The following GSE1 variants were observed in gnomAD, a reference collection of about 807,000 sequenced individuals.
GSE1 encodes genetic suppressor element 1.
In GSE1, 32 loss-of-function variants were observed where a neutral mutation model predicts 112.6. That is an observed-to-expected ratio of 0.28 (90% CI 0.21 to 0.38). GSE1 has a LOEUF of 0.38. Ranked by LOEUF, GSE1 falls within the 10% of genes least tolerant of loss-of-function variation. The pLI, the probability that GSE1 is intolerant of heterozygous loss-of-function variation, is 1.00. For synonymous variants in GSE1, 1,115 were observed against 735.6 expected (o/e 1.52, Z -8.35); for missense variants, 2,348 against 1,699.2 (o/e 1.38, Z -6.71).
At chr16:85,472,296 G>A (rs2050319282) in intron 2 of GSE1, among the ~76,000 whole-genome samples, 1 of 152,170 alleles carries the variant, frequency 6.6e-6, no homozygotes, top group Non-Finnish European at 1.5e-5. Context: ...GTGTGCGCAG[G>A]GCTGTGCTCC....
intron 2 of GSE1, among the ~76,000 whole-genome samples, chr16:85,545,148 G>A (rs1364304187): frequency 1.3e-5 from 2 of 152,220 alleles, no homozygotes; most frequent in Non-Finnish European, 1.5e-5. Context: ...GAGGCGTTCC[G>A]AGGACAGGCA....
intron 2 of GSE1, among the ~76,000 whole-genome samples, chr16:85,428,419 C>T (rs1356380826): frequency 2.0e-5 from 3 of 152,244 alleles, no homozygotes; most frequent in East Asian, 3.8e-4. Context: ...GGCCCTGTAA[C>T]GCTGTGTAAG....
rs571037512 is a variant in GSE1, at chr16:85,433,452, C to T, written c.2464+75809C>T. On this transcript the variant is annotated intron_variant, in intron 2 of 2. Transcript: ENST00000637419. ...AGGAGTGCACACCACTGGCCGTGAT[C>T]CCTGGCCACCCCCAGGGACCTCTGC... Among the ~76,000 whole-genome samples the T allele has an allele frequency of 1.8e-3, 269 of 152,278 alleles. 1 individual carries two copies. The highest frequency in any genetic ancestry group is 3.2e-3 in the Admixed American group (49 of 15,306).
intron 1 of GSE1, among the ~76,000 whole-genome samples, chr16:85,317,816 C>T (rs1356077359): frequency 6.6e-6 from 1 of 152,218 alleles, no homozygotes; most frequent in Non-Finnish European, 1.5e-5. Flanking sequence ...GCTCTGAGCT[C>T]AGCTCCTTGC....
intron 12 of GSE1, among the ~76,000 whole-genome samples, chr16:85,665,761 T>C (rs1305194795): frequency 2.0e-5 from 3 of 152,220 alleles, no homozygotes; most frequent in Non-Finnish European, 2.9e-5. Context: ...TTCTTCCTTC[T>C]TGGGACATCT....
chr16:85,385,256 G>A (rs1277035337), intron 2 of GSE1, among the ~76,000 whole-genome samples: 1 of 152,208 alleles, frequency 6.6e-6, no homozygotes, highest in African/African-American at 2.4e-5. Flanking sequence ...GGAGGAGAAG[G>A]GGAGTCACAT....
chr16:85,552,100 A>G (rs2044944215), upstream of GSE1, among the ~76,000 whole-genome samples: 1 of 150,490 alleles, frequency 6.6e-6, no homozygotes, highest in Non-Finnish European at 1.5e-5. Flanking sequence ...ATCTTGGCTC[A>G]CTGCAAGCTC....
intron 1 of GSE1, among the ~76,000 whole-genome samples, chr16:85,586,774 C>T (rs2046717853): frequency 6.6e-6 from 1 of 152,192 alleles, no homozygotes; most frequent in South Asian, 2.1e-4. Context: ...TGCAGGAAAC[C>T]CCGGAGCCGG....
At chr16:85,310,045 G>A (rs532357557) in intron 1 of GSE1, among the ~76,000 whole-genome samples, 264 of 152,352 alleles carry the variant, frequency 1.7e-3, no homozygotes, top group Non-Finnish European at 2.6e-3. Flanking sequence ...CAGTCGGCCC[G>A]AGCCCAGGCA....
At chr16:85,608,747 G>A (rs185726312), upstream of GSE1, among the ~76,000 whole-genome samples, 6 of 152,234 alleles carry the variant, frequency 3.9e-5, no homozygotes, top group Non-Finnish European at 5.9e-5. Flanking sequence ...AGTGACATGC[G>A]CTGAGCAGCG....
At position 85,661,392 on chromosome 16, in the gene GSE1, C is replaced by T. The variant is rs746308315; in HGVS notation, c.1887C>T (p.Phe629=). The change falls in exon 9 of 16, where the codon TTC becomes TTT. Residue 629 remains phenylalanine (F), a synonymous_variant. Coordinates refer to ENST00000253458, the MANE Select transcript of GSE1 (RefSeq NM_014615.5). ...CGCTGGTGAAGGTGGAGCGGGTCTT[C>T]TGCCCGGAGAAAGCAGAGGAGGGGC... ...AVPLVKVERV[F]CPEKAEEGPR... The T allele has an allele frequency of 7.4e-6, 12 of 1,612,352 alleles. No individual in the cohort carries two copies. In the Admixed American group the frequency reaches 1.2e-4, roughly 16 times the overall value.
chr16:85,661,512 C>T lies in GSE1; in HGVS notation c.2007C>T (p.Pro669=), dbSNP rs775473962. The part of the protein sequence containing the change: ...GGSLEHQPFL[P]GPGPFLAELE... Reference sequence around the variant, plus strand: ...GCCTGGAGCACCAGCCCTTCCTGCCCGGGCCCGGGCCCTTCCTGGCTGAGC... The same window carrying T: ...GCCTGGAGCACCAGCCCTTCCTGCCTGGGCCCGGGCCCTTCCTGGCTGAGC... Residue 669 remains proline, a synonymous_variant, in exon 9 of 16, where the codon CCC becomes CCT. Transcript: ENST00000253458. 60 of 1,611,840 alleles carry T rather than the reference C, an allele frequency of 3.7e-5. No individual in the cohort carries two copies. In the Middle Eastern group the frequency reaches 8.3e-4, roughly 22 times the overall value.
Position 85,663,604 on chromosome 16 carries a change from G to A in GSE1, c.2634G>A (p.Glu878=), listed in dbSNP as rs567600178. 4 of 1,612,310 alleles carry A rather than the reference G, an allele frequency of 2.5e-6. No individual in the cohort carries two copies. The South Asian group carries it at 3.3e-5, about 13-fold the overall frequency. ...TIFNLTHISA[E]KRKDKERLVE... is the part of the protein sequence containing the mutation. ...TCAACCTGACCCACATCAGCGCTGA[G>A]AAGAGGAAAGGTAGGGCCTCGCCTG... The change falls in exon 11 of 16, where the codon GAG becomes GAA. Residue 878 remains glutamate, a synonymous_variant. Transcript: ENST00000253458.
At chr16:85,555,119 C>A (rs533876388), upstream of GSE1, 5 of 985,176 alleles carry the variant, frequency 5.1e-6, no homozygotes, top group Non-Finnish European at 6.0e-6. Flanking sequence ...CCGCCGCCGC[C>A]GCCTTCAGCC....
chr16:85,201,925 G>A (rs1339251813), intron 1 of GSE1, among the ~76,000 whole-genome samples: 1 of 152,228 alleles, frequency 6.6e-6, no homozygotes, highest in South Asian at 2.1e-4. Context: ...GGGCTTTTCA[G>A]TGCAACCCGT....
At chr16:85,658,135 C>T (rs1389198922) in intron 8 of GSE1, among the ~76,000 whole-genome samples, 1 of 152,214 alleles carries the variant, frequency 6.6e-6, no homozygotes, top group African/African-American at 2.4e-5. Flanking sequence ...CCTTGGACCC[C>T]GGCTGCAGAC....
At chr16:85,494,291 C>T (rs2051101654) in intron 2 of GSE1, among the ~76,000 whole-genome samples, 1 of 152,182 alleles carries the variant, frequency 6.6e-6, no homozygotes, top group Non-Finnish European at 1.5e-5. Flanking sequence ...TCCTGGTGAC[C>T]TTTGGCTTGT....
At chr16:85,649,105 G>C (rs2051122362) in intron 3 of GSE1, among the ~76,000 whole-genome samples, 1 of 152,124 alleles carries the variant, frequency 6.6e-6, no homozygotes. Context: ...TTCTCCCTGG[G>C]TCGTCTGTGG....
chr16:85,411,565 C>A (rs1399740153), intron 2 of GSE1, among the ~76,000 whole-genome samples: 24 of 39,532 alleles, frequency 6.1e-4, no homozygotes, highest in African/African-American at 2.2e-3. Flanking sequence ...CTCACTGTTA[C>A]ACTCAGGGCC....
Sources: gnomAD v4.1 joint callset for allele counts (sites outside exome capture counted in the v4.1 genomes callset) on GRCh38, gnomAD v4.1.1 for gene constraint, MANE v1.5 for transcripts, NCBI Gene and HGNC (gene_info 2026-07-23, HGNC 2026-07-21) for gene names.